KPNA7: variants seen among roughly 807,000 people sequenced by gnomAD.
KPNA7 encodes the protein karyopherin subunit alpha 7, also known as importin subunit alpha-8.
A neutral mutation model predicts 53.7 loss-of-function variants in KPNA7; 54 were observed. The ratio of observed to expected loss-of-function variants is 1.01; its 90% CI spans 0.81 to 1.26. KPNA7 has a LOEUF of 1.26. Ranked by LOEUF, KPNA7 falls within the 50% of genes most tolerant of loss-of-function variation. The pLI, the probability that KPNA7 is intolerant of heterozygous loss-of-function variation, is 0.00. For synonymous variants in KPNA7, 276 were observed against 259.3 expected, an observed-to-expected ratio of 1.06 and a Z score of -0.62; for missense variants, 640 against 644.5, an observed-to-expected ratio of 0.99 and a Z score of 0.07.
chr7:99,156,041 G>A, the KPNA7 span, among the ~76,000 whole-genome samples: 1 of 152,064 alleles, frequency 6.6e-6, no homozygotes, highest in Non-Finnish European at 1.5e-5. Flanking sequence ...TTCCAGGTTT[G>A]CTGTTCAATT....
At chr7:99,158,503 TTTA>T in the KPNA7 span, among the ~76,000 whole-genome samples, 30 of 152,148 alleles carry the variant, frequency 2.0e-4, no homozygotes, top group Middle Eastern at 3.4e-3. Flanking sequence ...GTACTATCTT[TTTA>T]TTATTATTAT....
upstream of KPNA7, among the ~76,000 whole-genome samples, chr7:99,209,729 C>T (rs1791008640): frequency 7.1e-6 from 1 of 140,928 alleles, no homozygotes; most frequent in South Asian, 2.3e-4. Flanking sequence ...TCTGATTAGT[C>T]AGGCACAGTG....
chr7:99,169,946 C>T (rs760060319), downstream of KPNA7, among the ~76,000 whole-genome samples: 1 of 151,796 alleles, frequency 6.6e-6, no homozygotes, highest in Non-Finnish European at 1.5e-5. Context: ...GAGGCTGAGG[C>T]AGGAGAAGTC....
chr7:99,163,613 A>G, the KPNA7 span, among the ~76,000 whole-genome samples: 2 of 151,278 alleles, frequency 1.3e-5, no homozygotes, highest in East Asian at 1.9e-4. Flanking sequence ...TCTTGAACTC[A>G]TGGCCTCAAG....
At chr7:99,207,594 G>T in intron 1 of KPNA7, 105 bp from the exon 2 acceptor site, 1 of 345,632 alleles carries the variant, frequency 2.9e-6, no homozygotes, top group East Asian at 8.6e-5. Flanking sequence ...TGGAGCAAAG[G>T]GCAGACCCAG....
At chr7:99,172,351 A>C (rs1798785137), downstream of KPNA7, among the ~76,000 whole-genome samples, 1 of 152,196 alleles carries the variant, frequency 6.6e-6, no homozygotes, top group African/African-American at 2.4e-5. Context: ...ATAGCTCTGT[A>C]AAATATGTAC....
At chr7:99,201,208 G>C (rs2150764199) in intron 3 of KPNA7, among the ~76,000 whole-genome samples, 1 of 152,236 alleles carries the variant, frequency 6.6e-6, no homozygotes, top group South Asian at 2.1e-4. Flanking sequence ...TGAGGAATGG[G>C]GAGTGACTCC....
intron 10 of KPNA7, among the ~76,000 whole-genome samples, chr7:99,175,207 ATTT>A (rs558625724): frequency 2.7e-3 from 404 of 151,966 alleles, no homozygotes; most frequent in African/African-American, 8.7e-3. Flanking sequence ...CTTTGAGAGC[ATTT>A]TTTTTCTATT....
intron 8 of KPNA7, among the ~76,000 whole-genome samples, 184 bp from the exon 9 acceptor site, chr7:99,182,249 G>A (rs1348374117): frequency 3.9e-5 from 6 of 152,128 alleles, no homozygotes; most frequent in Non-Finnish European, 7.4e-5. Context: ...CCAGGCTGGA[G>A]TGCAGTGGCG....
chr7:99,194,543 C>CT (rs1430957361), intron 5 of KPNA7, among the ~76,000 whole-genome samples: 1 of 152,128 alleles, frequency 6.6e-6, no homozygotes, highest in Non-Finnish European at 1.5e-5. Flanking sequence ...TAGCCTGTGG[C>CT]TTCAGTATAC....
At chr7:99,190,130 G>A (rs1292028581) in intron 6 of KPNA7, among the ~76,000 whole-genome samples, 1 of 151,758 alleles carries the variant, frequency 6.6e-6, no homozygotes, top group Non-Finnish European at 1.5e-5. Flanking sequence ...TGAGGTCAGG[G>A]GTTCAAGACC....
At chr7:99,170,210 T>C (rs982682199), downstream of KPNA7, among the ~76,000 whole-genome samples, 6 of 152,046 alleles carry the variant, frequency 3.9e-5, no homozygotes, top group Non-Finnish European at 8.8e-5. Context: ...GCCTTTGCCA[T>C]AGGCACACCA....
In KPNA7 at chr7:99,204,888, T is replaced by C. The variant is rs1015239377; in HGVS notation, c.67-1648A>G. On this transcript the variant is annotated intron_variant, in intron 2 of 10. Coordinates refer to ENST00000327442, the MANE Select transcript of KPNA7 (RefSeq NM_001145715.3). ...AATAAAAGGAAAAAATTTAAAAGGG[T>C]CATGGTGGCATTATATGGCAAGGTA... Among the ~76,000 whole-genome samples, 3 of 151,986 alleles carry C rather than the reference T, an allele frequency of 2.0e-5. No individual in the cohort carries two copies. In the East Asian group the frequency reaches 5.8e-4, roughly 30 times the overall value.
At chr7:99,188,959 G>A (rs1304585534) in intron 6 of KPNA7, among the ~76,000 whole-genome samples, 1 of 152,180 alleles carries the variant, frequency 6.6e-6, no homozygotes, top group East Asian at 1.9e-4. Context: ...TGGGATTACA[G>A]GGGTGAGCCA....
intron 6 of KPNA7, 22 bp downstream of exon 6, chr7:99,192,997 A>G (rs1584292623): frequency 2.1e-6 from 3 of 1,418,266 alleles, no homozygotes; most frequent in South Asian, 2.8e-5. Flanking sequence ...AAAAAAAAAA[A>G]GAGAAAGAAA....
the KPNA7 span, among the ~76,000 whole-genome samples, chr7:99,165,962 CAT>C: frequency 6.6e-6 from 1 of 151,742 alleles, no homozygotes; most frequent in Non-Finnish European, 1.5e-5. Context: ...CTGTTCTTGT[CAT>C]AGTGGGTTCT....
the KPNA7 span, among the ~76,000 whole-genome samples, chr7:99,150,398 T>C: frequency 2.1e-5 from 3 of 144,648 alleles, no homozygotes; most frequent in Admixed American, 7.1e-5. Context: ...TTAAACAAAC[T>C]GGAAACTTCA....
intron 5 of KPNA7, among the ~76,000 whole-genome samples, chr7:99,193,313 CAA>C (rs1342058607): frequency 1.3e-4 from 20 of 152,198 alleles, no homozygotes; most frequent in Non-Finnish European, 2.5e-4. Context: ...CACACAGCAG[CAA>C]CTGCTAGAAG....
intron 8 of KPNA7, among the ~76,000 whole-genome samples, chr7:99,183,691 A>T (rs1412074929): frequency 6.6e-6 from 1 of 151,790 alleles, no homozygotes; most frequent in Non-Finnish European, 1.5e-5. Flanking sequence ...ACCCCATGAG[A>T]CTCCACCTGC....
Sources: allele counts gnomAD v4.1 joint callset (sites outside exome capture counted in the v4.1 genomes callset), GRCh38; gene constraint gnomAD v4.1.1; transcripts MANE v1.5; gene names NCBI Gene and HGNC (gene_info 2026-07-23, HGNC 2026-07-21).